Variants in ANKRD31 observed in about 807,000 individuals in gnomAD.
ANKRD31 encodes ankyrin repeat domain-containing protein 31.
A neutral mutation model predicts 186.0 loss-of-function variants in ANKRD31; 147 were observed. That is an observed-to-expected ratio of 0.79 (90% CI 0.69 to 0.91). The LOEUF is 0.91. ANKRD31 is among the 40% of genes least tolerant of loss of function. The pLI is 0.00. For synonymous variants in ANKRD31, 673 were observed against 736.4 expected, an observed-to-expected ratio of 0.91 and a Z score of 1.39; for missense variants, 1,986 against 2,148.8, an observed-to-expected ratio of 0.92 and a Z score of 1.50.
intron 17 of ANKRD31, among the ~76,000 whole-genome samples, chr5:75,131,320 C>A (rs555053479): frequency 6.6e-6 from 1 of 152,058 alleles, no homozygotes; most frequent in Non-Finnish European, 1.5e-5. Flanking sequence ...GTTGCTAGCA[C>A]GTTATCACCT....
intron 12 of ANKRD31, among the ~76,000 whole-genome samples, chr5:75,152,384 A>G (rs1751898318): frequency 6.6e-6 from 1 of 152,056 alleles, no homozygotes. Flanking sequence ...GAACTACAGG[A>G]CATGTAGGGA....
chr5:75,125,985 C>T (rs1749222629), intron 17 of ANKRD31, among the ~76,000 whole-genome samples: 2 of 152,204 alleles, frequency 1.3e-5, no homozygotes, highest in South Asian at 4.1e-4. Flanking sequence ...ATCCTTTCTG[C>T]CCCTCTGCAA....
chr5:75,075,124 G>A (rs2150002401), intron 25 of ANKRD31, among the ~76,000 whole-genome samples: 1 of 152,270 alleles, frequency 6.6e-6, no homozygotes, highest in South Asian at 2.1e-4. Flanking sequence ...TGTAACTACT[G>A]CAGCCAAAGA....
chr5:75,163,953 C>G (rs1346458997), intron 11 of ANKRD31, among the ~76,000 whole-genome samples: 1 of 152,186 alleles, frequency 6.6e-6, no homozygotes, highest in Non-Finnish European at 1.5e-5. Context: ...AGCCTAATTT[C>G]CCTCCTCAAG....
intron 10 of ANKRD31, among the ~76,000 whole-genome samples, chr5:75,179,677 C>T (rs1456336157): frequency 6.6e-6 from 1 of 152,116 alleles, no homozygotes; most frequent in African/African-American, 2.4e-5. Flanking sequence ...TGACAAAATT[C>T]AACAACCCTT....
Position 75,206,503 on chromosome 5 carries a change from A to C in ANKRD31, c.327-16T>G, listed in dbSNP as rs1198019510. The C allele has an allele frequency of 6.6e-6, 9 of 1,357,020 alleles. No individual in the cohort carries two copies. The highest frequency in any genetic ancestry group is 2.4e-4 in the Middle Eastern group (1 of 4,254). The allele number at this position is 1,357,020 out of a possible 1,614,324, so 84.1% of individuals were successfully genotyped here. ...TTTTCTAGTCCTAAAAAATCAATTA[A>C]TAAAAATAAATTTTAAAATGGAAGA... On this transcript the variant is annotated splice_polypyrimidine_tract_variant and intron_variant, in intron 4 of 25. Coordinates refer to ENST00000506364, the MANE Select transcript of ANKRD31 (RefSeq NM_001372053.1).
chr5:75,181,825 GTATACA>G (rs1375204379), intron 10 of ANKRD31, among the ~76,000 whole-genome samples: 1 of 150,884 alleles, frequency 6.6e-6, no homozygotes, highest in Non-Finnish European at 1.5e-5. Flanking sequence ...CGTGGCACAG[GTATACA>G]TATGTAACAA....
chr5:75,170,638 T>G (rs1016542082), intron 10 of ANKRD31, among the ~76,000 whole-genome samples: 4 of 152,028 alleles, frequency 2.6e-5, no homozygotes, highest in Non-Finnish European at 5.9e-5. Context: ...CAATAGATAG[T>G]TTTTCAACCC....
chr5:75,163,953 C>T (rs1346458997), intron 11 of ANKRD31, among the ~76,000 whole-genome samples: 1 of 152,186 alleles, frequency 6.6e-6, no homozygotes, highest in African/African-American at 2.4e-5. Flanking sequence ...AGCCTAATTT[C>T]CCTCCTCAAG....
intron 25 of ANKRD31, among the ~76,000 whole-genome samples, chr5:75,071,195 CT>C (rs1229585630): frequency 6.6e-6 from 1 of 151,402 alleles, no homozygotes; most frequent in East Asian, 1.9e-4. Flanking sequence ...AGAATCACTG[CT>C]TATAGTTCTT....
At chr5:75,082,528 T>C (rs926583396) in intron 24 of ANKRD31, among the ~76,000 whole-genome samples, 2 of 152,224 alleles carry the variant, frequency 1.3e-5, no homozygotes, top group African/African-American at 4.8e-5. Context: ...TTTTTCCAGA[T>C]CATTTCAAAA....
chr5:75,193,575 T>C lies in ANKRD31; in HGVS notation c.1034A>G (p.Asn345Ser). 5 of 1,535,996 alleles carry C rather than the reference T, an allele frequency of 3.3e-6. No homozygotes were observed. The highest frequency in any genetic ancestry group is 4.4e-6 in the Non-Finnish European group (5 of 1,146,168). The change falls in exon 8 of 26, where the codon AAT (asparagine) becomes AGT (serine). Residue 345 changes from asparagine (N) to serine (S), a missense_variant. Coordinates refer to ENST00000506364, the MANE Select transcript of ANKRD31 (RefSeq NM_001372053.1). The part of the protein sequence containing the change: ...TQIAETLQDP[N>S]PSGLQTLAHQ... ...AGCCAAAGTTTGCAATCCAGATGGA[T>C]TTGGGTCTTGCAGAGTCTGCAAATA...
At chr5:75,193,632 G>A (rs1219387478) in intron 7 of ANKRD31, 41 bp from the exon 8 acceptor site, 4 of 1,480,986 alleles carry the variant, frequency 2.7e-6, no homozygotes, top group Non-Finnish European at 3.6e-6. Flanking sequence ...TTACAACACT[G>A]CAAAAAAATT....
At chr5:75,112,075 C>G (rs986076864) in intron 20 of ANKRD31, among the ~76,000 whole-genome samples, 3 of 152,074 alleles carry the variant, frequency 2.0e-5, no homozygotes, top group Admixed American at 6.6e-5. Flanking sequence ...TTCTGAATGT[C>G]TCTCAAATTA....
At chr5:75,194,974 G>A (rs57274650) in intron 7 of ANKRD31, among the ~76,000 whole-genome samples, 1,610 of 152,022 alleles carry the variant, frequency 0.011, 35 homozygotes, top group African/African-American at 0.036. Flanking sequence ...ATTATAATCA[G>A]GGGAAAAAAT....
chr5:75,211,818 C>T (rs1288487263), intron 3 of ANKRD31, among the ~76,000 whole-genome samples: 1 of 151,930 alleles, frequency 6.6e-6, no homozygotes, highest in Non-Finnish European at 1.5e-5. Flanking sequence ...GAGCCCTTTA[C>T]TCATTTTTTA....
intron 25 of ANKRD31, among the ~76,000 whole-genome samples, chr5:75,078,491 C>T (rs1744837765): frequency 6.6e-6 from 1 of 151,924 alleles, no homozygotes. Flanking sequence ...TGTTAGGTCC[C>T]CATGAAAGAA....
intron 10 of ANKRD31, among the ~76,000 whole-genome samples, chr5:75,171,527 C>G (rs1209483202): frequency 1.3e-5 from 2 of 151,666 alleles, no homozygotes; most frequent in Admixed American, 1.3e-4. Flanking sequence ...GGTACAAAAT[C>G]AGTGACCTCA....
intron 23 of ANKRD31, among the ~76,000 whole-genome samples, 152 bp from the exon 24 acceptor site, chr5:75,084,526 C>A (rs966724188): frequency 6.6e-6 from 1 of 152,188 alleles, no homozygotes; most frequent in African/African-American, 2.4e-5. Context: ...CACCTGCAAC[C>A]TTCTTTTCTG....
Sources: allele counts gnomAD v4.1 joint callset (sites outside exome capture counted in the v4.1 genomes callset), GRCh38; gene constraint gnomAD v4.1.1; transcripts MANE v1.5; gene names NCBI Gene and HGNC (gene_info 2026-07-23, HGNC 2026-07-21).